Variants in ACER3 observed in about 807,000 individuals in gnomAD.
The protein encoded by ACER3 is alkaline ceramidase 3, also known as alkCDase 3.
ACER3 carries 16 observed loss-of-function variants against 48.9 expected under a neutral mutation model. The ratio of observed to expected loss-of-function variants is 0.33; its 90% CI spans 0.22 to 0.50. ACER3 has a LOEUF of 0.50. Among genes scored for constraint, ACER3 ranks in the 20% least tolerant of loss-of-function variants. The pLI, the probability that ACER3 is intolerant of heterozygous loss-of-function variation, is 0.98. For synonymous variants in ACER3, 109 were observed against 107.8 expected (o/e 1.01, Z -0.07); for missense variants, 227 against 326.0 (o/e 0.70, Z 2.34).
chr11:76,989,107 C>A (rs969734018), intron 5 of ACER3, among the ~76,000 whole-genome samples: 5 of 151,968 alleles, frequency 3.3e-5, no homozygotes, highest in Non-Finnish European at 7.4e-5. Flanking sequence ...GATAGCATTA[C>A]CTATATAAAT....
At position 76,952,308 on chromosome 11, in the gene ACER3, G is replaced by A. The variant is rs11237028; in HGVS notation, c.215-6671G>A. On this transcript the variant is annotated intron_variant, in intron 2 of 10. Coordinates refer to ENST00000532485, the MANE Select transcript of ACER3 (RefSeq NM_018367.7). ...GGAGTCTCTCCCTGTCGCCTAAGCTGGAGTGCAGTGGCACAATCTCGGCTC... is the reference window on the plus strand; with the variant it reads ...GGAGTCTCTCCCTGTCGCCTAAGCTAGAGTGCAGTGGCACAATCTCGGCTC... Among the ~76,000 whole-genome samples, 214 of 145,540 alleles carry A rather than the reference G, an allele frequency of 1.5e-3. 2 individuals are homozygous for A. The highest frequency in any genetic ancestry group is 5.2e-3 in the African/African-American group (203 of 39,312).
intron 1 of ACER3, among the ~76,000 whole-genome samples, chr11:76,915,146 C>A (rs1457399792): frequency 1.3e-5 from 2 of 151,628 alleles, no homozygotes; most frequent in Admixed American, 1.3e-4. Context: ...ATGTAACAAA[C>A]CTGCACGTTG....
intron 1 of ACER3, among the ~76,000 whole-genome samples, chr11:76,901,773 T>G (rs1033958521): frequency 6.6e-6 from 1 of 152,166 alleles, no homozygotes; most frequent in Admixed American, 6.6e-5. Flanking sequence ...ATTTTCACAG[T>G]GCTTTTCTAT....
chr11:76,970,732 T>C (rs1363690315), intron 3 of ACER3, among the ~76,000 whole-genome samples: 1 of 152,120 alleles, frequency 6.6e-6, no homozygotes, highest in Admixed American at 6.5e-5. Flanking sequence ...TTTTTTACCC[T>C]ATCATACAAC....
intron 2 of ACER3, among the ~76,000 whole-genome samples, chr11:76,943,826 T>C (rs1324219876): frequency 6.6e-6 from 1 of 151,280 alleles, no homozygotes; most frequent in South Asian, 2.1e-4. Flanking sequence ...TGAATTTGGG[T>C]GCTCTGATGT....
At chr11:77,016,822 G>GTTT (rs112678860) in intron 9 of ACER3, 43 bp downstream of exon 9, 29 of 852,228 alleles carry the variant, frequency 3.4e-5, no homozygotes, top group Middle Eastern at 2.5e-4. Context: ...AGAGTTTGTT[G>GTTT]TTTTTTTTTT....
intron 1 of ACER3, among the ~76,000 whole-genome samples, chr11:76,879,902 T>G (rs1419260796): frequency 6.6e-6 from 1 of 152,176 alleles, no homozygotes; most frequent in Non-Finnish European, 1.5e-5. Flanking sequence ...GGTTTCTTGC[T>G]TCAGGTTTTT....
intron 6 of ACER3, among the ~76,000 whole-genome samples, chr11:76,995,039 A>AT (rs1390625403): frequency 6.6e-6 from 1 of 152,238 alleles, no homozygotes; most frequent in Non-Finnish European, 1.5e-5. Context: ...CTGAGAAAGG[A>AT]TTTTTTTAAA....
In ACER3 at chr11:76,992,627, G is replaced by A. The variant is rs80283073; in HGVS notation, c.438+2053G>A. 2.3e-3 allele frequency among the ~76,000 whole-genome samples: 351 copies of A among 152,292 alleles called. 1 individual carries two copies. The highest frequency in any genetic ancestry group is 7.8e-3 in the African/African-American group (324 of 41,570). On this transcript the variant is annotated intron_variant, in intron 6 of 10. Transcript: ENST00000532485. ...TGAAGAAATAAGGGAATGCTAGAGT[G>A]AAGCAAATAAGTAATCTAAAGGTAA...
intron 2 of ACER3, among the ~76,000 whole-genome samples, chr11:76,935,080 C>T (rs775423016): frequency 9.2e-5 from 14 of 151,962 alleles, no homozygotes; most frequent in Non-Finnish European, 1.5e-4. Flanking sequence ...TAGAATTCAT[C>T]GAACTTAATA....
intron 2 of ACER3, among the ~76,000 whole-genome samples, chr11:76,954,977 C>T (rs1000469675): frequency 3.9e-5 from 6 of 152,122 alleles, no homozygotes; most frequent in African/African-American, 1.4e-4. Context: ...TCACTTATCC[C>T]AGTGGAAATG....
At chr11:76,976,217 T>G (rs1948440459) in intron 3 of ACER3, 72 bp from the exon 4 acceptor site, 1 of 1,167,548 alleles carries the variant, frequency 8.6e-7, no homozygotes, top group Non-Finnish European at 1.3e-6. Flanking sequence ...CATTTTGATG[T>G]TTTATTTTGA....
At chr11:76,929,828 C>G (rs1159970858) in intron 2 of ACER3, among the ~76,000 whole-genome samples, 1 of 152,170 alleles carries the variant, frequency 6.6e-6, no homozygotes, top group African/African-American at 2.4e-5. Context: ...CCCACTTGAT[C>G]ATGGTGAATA....
At chr11:76,969,342 T>C (rs1175841756) in intron 3 of ACER3, among the ~76,000 whole-genome samples, 2 of 152,192 alleles carry the variant, frequency 1.3e-5, no homozygotes, top group African/African-American at 4.8e-5. Flanking sequence ...TTTACACTGT[T>C]GGTGGGACTG....
chr11:76,915,255 G>A (rs575653253), intron 1 of ACER3, among the ~76,000 whole-genome samples: 6 of 151,316 alleles, frequency 4.0e-5, no homozygotes, highest in African/African-American at 9.7e-5. Flanking sequence ...GAAAAAAAAG[G>A]CCCTTTTACC....
At chr11:76,864,596 ATTT>A (rs772026324) in intron 1 of ACER3, among the ~76,000 whole-genome samples, 6 of 99,922 alleles carry the variant, frequency 6.0e-5, no homozygotes, top group African/African-American at 6.7e-5. Flanking sequence ...TGGAATGGGT[ATTT>A]TTTTTTTTTT....
rs201190641 is a variant in ACER3, at chr11:76,861,056, T to A, written c.80T>A (p.Val27Glu). 1.9e-6 allele frequency: 3 copies of A among 1,547,648 alleles called. No individual in the cohort carries two copies. In the East Asian group the frequency reaches 7.4e-5, roughly 38 times the overall value. ...GACTGGTGCGAGGAGAACTACTCCG[T>A]GACCTGGTACATCGCCGAGTTCTGT... ...TLDWCEENYS[V>E]TWYIAEFWNT... Residue 27 changes from valine to glutamate, a missense_variant, in exon 1 of 11, where the codon GTG becomes GAG. By Grantham distance (121) the Val-to-Glu change is moderately radical. This residue lies in a region of ACER3 where 195 missense variants were observed against 290.8 expected (regional missense o/e 0.67). Coordinates refer to ENST00000532485, the MANE Select transcript of ACER3 (RefSeq NM_018367.7).
At chr11:77,017,497 C>A (rs1048920191) in intron 9 of ACER3, among the ~76,000 whole-genome samples, 1 of 152,196 alleles carries the variant, frequency 6.6e-6, no homozygotes, top group East Asian at 1.9e-4. Flanking sequence ...GAAAAGACAT[C>A]CTGTATTCAT....
intron 1 of ACER3, among the ~76,000 whole-genome samples, chr11:76,881,548 C>T (rs1945527776): frequency 1.3e-5 from 2 of 152,124 alleles, no homozygotes; most frequent in Admixed American, 1.3e-4. Flanking sequence ...TCACAGCCCA[C>T]TTCATGGACC....
Sources: gnomAD v4.1 joint callset for allele counts (sites outside exome capture counted in the v4.1 genomes callset) on GRCh38, gnomAD v4.1.1 for gene constraint, gnomAD v4.1.1 regional missense constraint, MANE v1.5 for transcripts, NCBI Gene and HGNC (gene_info 2026-07-23, HGNC 2026-07-21) for gene names.